TBC1D32: variants seen among roughly 807,000 people sequenced by gnomAD.
TBC1D32 encodes the protein TBC1 domain family member 32.
Under a neutral mutation model 170.3 loss-of-function variants are expected in TBC1D32, and 151 were observed. The ratio of observed to expected loss-of-function variants is 0.89; its 90% CI spans 0.78 to 1.01. The LOEUF (loss-of-function observed/expected upper bound fraction) is 1.01. Ranked by LOEUF, TBC1D32 falls within the 50% of genes least tolerant of loss-of-function variation. The pLI, the probability that TBC1D32 is intolerant of heterozygous loss-of-function variation, is 0.00. For synonymous variants in TBC1D32, 498 were observed against 488.0 expected (o/e 1.02, Z -0.27); for missense variants, 1,464 against 1,457.1 (o/e 1.00, Z -0.08).
At chr6:121,212,295 C>A (rs1310409634) in intron 21 of TBC1D32, among the ~76,000 whole-genome samples, 1 of 151,914 alleles carries the variant, frequency 6.6e-6, no homozygotes, top group Non-Finnish European at 1.5e-5. Flanking sequence ...ACCAGATGTA[C>A]AAATAAGAGC....
intron 22 of TBC1D32, among the ~76,000 whole-genome samples, chr6:121,198,629 T>A (rs1791139086): frequency 6.6e-6 from 1 of 150,848 alleles, no homozygotes; most frequent in South Asian, 2.1e-4. Flanking sequence ...CAGGCGCCTG[T>A]AGTCCCAGCT....
intron 21 of TBC1D32, among the ~76,000 whole-genome samples, 196 bp from the exon 22 acceptor site, chr6:121,205,359 C>T (rs2128304833): frequency 6.6e-6 from 1 of 152,216 alleles, no homozygotes; most frequent in East Asian, 1.9e-4. Flanking sequence ...CTCAAAGTTT[C>T]TGAATTAACT....
chr6:121,258,986 AAAAAG>A (rs1799410596), intron 15 of TBC1D32, among the ~76,000 whole-genome samples: 3 of 151,890 alleles, frequency 2.0e-5, no homozygotes, highest in African/African-American at 4.8e-5. Context: ...TATTAAAAAA[AAAAAG>A]AAAGAAAGAG....
chr6:121,198,776 G>C (rs1791168891), intron 22 of TBC1D32, among the ~76,000 whole-genome samples: 1 of 151,014 alleles, frequency 6.6e-6, no homozygotes, highest in African/African-American at 2.5e-5. Context: ...AAAAAAAGAA[G>C]TGATCATCGA....
At chr6:121,083,877 T>C (rs566095362) in intron 31 of TBC1D32, among the ~76,000 whole-genome samples, 12 of 152,242 alleles carry the variant, frequency 7.9e-5, no homozygotes, top group African/African-American at 2.9e-4. Flanking sequence ...CTTCTTACCA[T>C]AGATTAGGGT....
intron 24 of TBC1D32, among the ~76,000 whole-genome samples, chr6:121,142,169 C>T (rs1273949316): frequency 6.6e-6 from 1 of 152,216 alleles, no homozygotes; most frequent in African/African-American, 2.4e-5. Context: ...GTCCCCTAGC[C>T]CGCTCTTTCA....
chr6:121,195,039 C>T (rs1790549415), intron 22 of TBC1D32, among the ~76,000 whole-genome samples: 1 of 152,192 alleles, frequency 6.6e-6, no homozygotes, highest in Non-Finnish European at 1.5e-5. Flanking sequence ...TGCATTTGGC[C>T]TCTCCTACAA....
At chr6:121,280,619 C>T (rs10499102) in intron 14 of TBC1D32, among the ~76,000 whole-genome samples, 4,976 of 151,652 alleles carry the variant, frequency 0.033, 192 homozygotes, top group East Asian at 0.12. Flanking sequence ...ATGGACCAAG[C>T]GTAAAATTTT....
intron 24 of TBC1D32, among the ~76,000 whole-genome samples, chr6:121,135,988 T>A (rs150133664): frequency 0.011 from 1,704 of 152,124 alleles, 6 homozygotes; most frequent in Middle Eastern, 0.021. Context: ...GGCAACAAAA[T>A]TTAGCACTCA....
At chr6:121,231,733 T>C (rs1795765664) in intron 20 of TBC1D32, among the ~76,000 whole-genome samples, 1 of 152,210 alleles carries the variant, frequency 6.6e-6, no homozygotes, top group Non-Finnish European at 1.5e-5. Context: ...GAATTGTCTA[T>C]TCACGTCCTC....
intron 22 of TBC1D32, among the ~76,000 whole-genome samples, chr6:121,191,201 T>C (rs1172936248): frequency 6.6e-6 from 1 of 152,236 alleles, no homozygotes; most frequent in East Asian, 1.9e-4. Flanking sequence ...TATACATGCA[T>C]GCACACCCAT....
intron 16 of TBC1D32, 118 bp downstream of exon 16, chr6:121,255,966 G>A: frequency 1.2e-6 from 1 of 852,100 alleles, no homozygotes; most frequent in Non-Finnish European, 1.8e-6. Context: ...GTACTGTGAT[G>A]CTAAAGAAGT....
At chr6:121,177,095 G>C (rs1359944108) in intron 22 of TBC1D32, among the ~76,000 whole-genome samples, 1 of 152,108 alleles carries the variant, frequency 6.6e-6, no homozygotes, top group Non-Finnish European at 1.5e-5. Context: ...GTGTGAATAA[G>C]TGTAAGGAAA....
At chr6:121,141,683 T>A (rs1183006924) in intron 24 of TBC1D32, among the ~76,000 whole-genome samples, 2 of 152,030 alleles carry the variant, frequency 1.3e-5, no homozygotes, top group African/African-American at 2.4e-5. Context: ...ACATAGATTA[T>A]CATATAATCC....
intron 24 of TBC1D32, among the ~76,000 whole-genome samples, chr6:121,134,050 A>G (rs1781745617): frequency 6.6e-6 from 1 of 152,148 alleles, no homozygotes; most frequent in Admixed American, 6.6e-5. Flanking sequence ...ACTTAATTCG[A>G]CATTATTGAA....
At position 121,334,335 on chromosome 6, in the gene TBC1D32, G is replaced by A. The variant is rs1434879685; in HGVS notation, c.96C>T (p.Ser32=). 1.9e-6 allele frequency: 3 copies of A among 1,614,106 alleles called. No individual in the cohort carries two copies. The Admixed American group carries it at 5.0e-5, about 27-fold the overall frequency. Residue 32 remains serine, a synonymous_variant, in exon 1 of 32, where the codon TCC becomes TCT. Coordinates refer to ENST00000398212, the MANE Select transcript of TBC1D32 (RefSeq NM_152730.6). ...AAAGAATCTCTTCGGCACACTCCAG[G>A]GAAGGGGCACCCGTGATTTTCTCCT... ...SVKEKITGAP[S]LECAEEILLH...
intron 2 of TBC1D32, among the ~76,000 whole-genome samples, chr6:121,318,048 C>T (rs528128939): frequency 1.7e-4 from 26 of 151,952 alleles, no homozygotes; most frequent in African/African-American, 6.0e-4. Context: ...TCACCTTCAT[C>T]CTCTTACCTT....
At chr6:121,125,662 C>T (rs1780756584) in intron 26 of TBC1D32, among the ~76,000 whole-genome samples, 1 of 152,076 alleles carries the variant, frequency 6.6e-6, no homozygotes, top group Non-Finnish European at 1.5e-5. Context: ...CCTAGCAGGT[C>T]CCTGCACTGA....
chr6:121,253,169 A>C (rs1267836370), intron 17 of TBC1D32, among the ~76,000 whole-genome samples: 2 of 152,222 alleles, frequency 1.3e-5, no homozygotes, highest in African/African-American at 2.4e-5. Flanking sequence ...ACCACAACCC[A>C]ATGTGGGAGA....
Sources: allele counts gnomAD v4.1 joint callset (sites outside exome capture counted in the v4.1 genomes callset), GRCh38; gene constraint gnomAD v4.1.1; transcripts MANE v1.5; gene names NCBI Gene and HGNC (gene_info 2026-07-23, HGNC 2026-07-21).